COL17A1: variants seen among roughly 807,000 people sequenced by gnomAD.
The protein encoded by COL17A1 is collagen alpha-1(XVII) chain.
In COL17A1, 181 loss-of-function variants were observed where a neutral mutation model predicts 218.4. The observed-to-expected ratio is 0.83, with a 90% CI of 0.73 to 0.94. The LOEUF is 0.94. COL17A1 is among the 40% of genes least tolerant of loss of function. COL17A1 has a pLI of 0.00. For missense variants in COL17A1, 1,924 were observed against 1,945.9 expected (o/e 0.99, Z 0.21); for synonymous variants, 721 against 731.0 (o/e 0.99, Z 0.22).
At chr10:104,073,579 C>T (rs2086685286) in intron 6 of COL17A1, among the ~76,000 whole-genome samples, 2 of 152,190 alleles carry the variant, frequency 1.3e-5, no homozygotes, top group South Asian at 4.1e-4. Flanking sequence ...TATCAAAAAG[C>T]TCCCAAGTCT....
chr10:104,055,874 C>T lies in COL17A1; in HGVS notation c.1595G>A (p.Gly532Glu). 3.1e-6 allele frequency: 5 copies of T among 1,614,192 alleles called. No individual in the cohort carries two copies. The highest frequency in any genetic ancestry group is 4.2e-6 in the Non-Finnish European group (5 of 1,180,036). ...CAGCCCAATTTTGTCCAGGTCTGCT[C>T]CCGCCGCGGGTGCCATGCCCTGGAG... The part of the protein sequence containing the change: ...DRLQGMAPAA[G>E]ADLDKIGLHS... The change falls in exon 18 of 56, where the codon GGA becomes GAA. Residue 532 changes from glycine (G) to glutamate (E), a missense_variant. Gly to Glu is a moderately conservative substitution (Grantham distance 98). Coordinates refer to ENST00000648076, the MANE Select transcript of COL17A1 (RefSeq NM_000494.4).
In COL17A1 at chr10:104,070,688, C is replaced by G. The variant is rs928555113; in HGVS notation, c.464-119G>C. On this transcript the variant is annotated intron_variant, in intron 8 of 55. Coordinates refer to ENST00000648076, the MANE Select transcript of COL17A1 (RefSeq NM_000494.4). ...TGGGGAGAATGGCATCTGCCTCACA[C>G]ATTGGAACTTTTTGCTTGGCTTTAT... 18 of 1,600,378 alleles carry G rather than the reference C, an allele frequency of 1.1e-5. No individual in the cohort carries two copies. The African/African-American group carries it at 1.7e-4, about 15-fold the overall frequency.
chr10:104,076,355 A>G lies in COL17A1; in HGVS notation c.277T>C (p.Ser93Pro). 6.2e-7 allele frequency: 1 copy of G among 1,614,064 alleles called. No homozygotes were observed. The highest frequency in any genetic ancestry group is 8.5e-7 in the Non-Finnish European group (1 of 1,180,012). ...AHSPASTLPNSPGSTFERKTH... is the reference protein window; with the variant it reads ...AHSPASTLPNPPGSTFERKTH... ...TTCCTTTCAAAGGTTGAGCCTGGGGAGTTGGGCAGAGTGGAGGCAGGTGAG... is the reference window on the plus strand; with the variant it reads ...TTCCTTTCAAAGGTTGAGCCTGGGGGGTTGGGCAGAGTGGAGGCAGGTGAG... The change falls in exon 5 of 56, where the codon TCC becomes CCC. Residue 93 changes from serine to proline, a missense_variant. Ser to Pro is a moderately conservative substitution (Grantham distance 74). Coordinates refer to ENST00000648076, the MANE Select transcript of COL17A1 (RefSeq NM_000494.4).
rs2086247743 is a variant in COL17A1, at chr10:104,034,165, G to A, written c.3936C>T (p.Ser1312=). The A allele has an allele frequency of 1.2e-6, 2 of 1,613,584 alleles. No individual in the cohort carries two copies. Among genetic ancestry groups the A allele is most frequent in the African/African-American group, 1.3e-5 (1 of 74,924 alleles). ...GGGAGCCTGCACCACCTCCTCCTGT[G>A]CTCATGGAAGAGCTGTAGGAGCTGC... ...RRGSSYSSSM[S]TGGGGAGSLG... Residue 1312 remains serine (S), a synonymous_variant, in exon 52 of 56, where the codon AGC becomes AGT. Coordinates refer to ENST00000648076, the MANE Select transcript of COL17A1 (RefSeq NM_000494.4).
rs1214390911 is a variant in COL17A1 at position 104,039,320 on chromosome 10, C to G, written c.2896+125G>C. 3.4e-6 allele frequency: 4 copies of G among 1,183,316 alleles called. No homozygotes were observed. In the African/African-American group the frequency reaches 4.5e-5, roughly 13 times the overall value. The allele number at this position is 1,183,316 out of a possible 1,614,324, so 73.3% of individuals were successfully genotyped here. Reference sequence around the variant, plus strand: ...TTCCACCCTCTGGCCTTTCCTTCCTCCAGCCTCTTCTCTCTCCCAAGACTT... The same window carrying G: ...TTCCACCCTCTGGCCTTTCCTTCCTGCAGCCTCTTCTCTCTCCCAAGACTT... On this transcript the variant is annotated intron_variant, in intron 43 of 55. Transcript: ENST00000648076.
chr10:104,037,240 T>C, intron 46 of COL17A1, 127 bp from the exon 47 acceptor site: 2 of 831,166 alleles, frequency 2.4e-6, no homozygotes, highest in South Asian at 1.4e-5. Flanking sequence ...AATGGAGTAT[T>C]ACGAGGCTAT....
chr10:104,035,212 A>G (rs2134566961), intron 50 of COL17A1, 51 bp downstream of exon 50: 1 of 1,501,766 alleles, frequency 6.7e-7, no homozygotes, highest in South Asian at 1.2e-5. Context: ...GGGAGCCCCC[A>G]AGGCCCGGCT....
rs1564668343 is a variant in COL17A1 at position 104,031,292 on chromosome 10, A to G, written c.*943T>C. ...CGAATCACATTAAACATGATATTAG[A>G]AAAAAAAACTTCTTTAATGGGAAAT... is the stretch of plus-strand genomic sequence containing the variant. On this transcript the variant is annotated 3_prime_UTR_variant, in exon 56 of 56. Transcript: ENST00000648076. 1 of 152,188 alleles carries G rather than the reference A, an allele frequency of 6.6e-6. No individual in the cohort carries two copies. The highest frequency in any genetic ancestry group is 2.1e-4 in the South Asian group (1 of 4,812). 9.4% of individuals were successfully genotyped at this position (152,188 alleles called of 1,614,324 possible). A position where few individuals can be genotyped will look rare whatever the true frequency, so the allele number is the denominator to read the frequency against.
intron 16 of COL17A1, among the ~76,000 whole-genome samples, chr10:104,057,456 C>CGGCCGGGCGCGGTGGCAGGCGCCTGTAG (rs1554849503): frequency 2.1e-5 from 3 of 145,592 alleles, no homozygotes; most frequent in Non-Finnish European, 3.0e-5. Context: ...TTGCCTCCTT[C>CGGCCGGGCGCGGTGGCAGGCGCCTGTAG]TTGGGAAGGT....
At chr10:104,041,399 C>A (rs1268654887) in intron 37 of COL17A1, 55 bp from the exon 38 acceptor site, 1 of 1,603,290 alleles carries the variant, frequency 6.2e-7, no homozygotes, top group East Asian at 2.2e-5. Context: ...TGATGCCACC[C>A]CTGAGGATCT....
At chr10:104,073,132 G>T in intron 7 of COL17A1, 78 bp downstream of exon 7, 1 of 1,323,858 alleles carries the variant, frequency 7.6e-7, no homozygotes, top group African/African-American at 1.4e-5. Context: ...ACACTCCCTG[G>T]CTCAAGGCTG....
chr10:104,032,565 T>C, intron 55 of COL17A1, 109 bp downstream of exon 55: 1 of 1,186,268 alleles, frequency 8.4e-7, no homozygotes, highest in South Asian at 1.2e-5. Flanking sequence ...GTAATTGGCA[T>C]TTGCCTGAAT....
Position 104,055,331 on chromosome 10 carries a change from C to A in COL17A1, c.1717+41G>T, listed in dbSNP as rs1270946748. 3.1e-6 allele frequency: 5 copies of A among 1,613,898 alleles called. No individual in the cohort carries two copies. The Admixed American group carries it at 6.7e-5, about 22-fold the overall frequency. ...TACCCAGAAAACTCACTTCCAACTGCAGGAAATGAATCAGAGACAAGGTTC... is the reference window on the plus strand; with the variant it reads ...TACCCAGAAAACTCACTTCCAACTGAAGGAAATGAATCAGAGACAAGGTTC... On this transcript the variant is annotated intron_variant, in intron 19 of 55. Coordinates refer to ENST00000648076, the MANE Select transcript of COL17A1 (RefSeq NM_000494.4).
chr10:104,073,140 C>A (rs997818082), intron 7 of COL17A1, 70 bp downstream of exon 7: 9 of 1,406,236 alleles, frequency 6.4e-6, no homozygotes, highest in Non-Finnish European at 7.1e-6. Context: ...TGGCTCAAGG[C>A]TGGACACACA....
intron 9 of COL17A1, among the ~76,000 whole-genome samples, chr10:104,065,701 G>C (rs1165257400): frequency 1.3e-5 from 2 of 152,192 alleles, no homozygotes; most frequent in African/African-American, 4.8e-5. Context: ...TTTAGGGCTG[G>C]GCTATGCATA....
At chr10:104,083,900 C>T (rs2086785694) in intron 1 of COL17A1, among the ~76,000 whole-genome samples, 1 of 152,170 alleles carries the variant, frequency 6.6e-6, no homozygotes, top group South Asian at 2.1e-4. Flanking sequence ...TCTATTACTC[C>T]ATTCTCTATA....
chr10:104,040,288 G>A (rs79817225), intron 40 of COL17A1, 63 bp downstream of exon 40: 2 of 1,219,708 alleles, frequency 1.6e-6, no homozygotes, highest in Non-Finnish European at 1.2e-6. Flanking sequence ...AACCCTCCTG[G>A]CAACCAGCAG....
intron 55 of COL17A1, 66 bp from the exon 56 acceptor site, chr10:104,032,356 G>T: frequency 7.4e-7 from 1 of 1,345,442 alleles, no homozygotes; most frequent in Non-Finnish European, 1.1e-6. Flanking sequence ...CTTGGCTTGG[G>T]CAATTATGGC....
At chr10:104,034,434 G>C (rs778810617) in intron 51 of COL17A1, 100 bp from the exon 52 acceptor site, 19 of 1,472,712 alleles carry the variant, frequency 1.3e-5, no homozygotes, top group Non-Finnish European at 1.5e-5. Context: ...GCCCCTGAGA[G>C]ACCAGAAGTG....
Sources: gnomAD v4.1 joint callset for allele counts (sites outside exome capture counted in the v4.1 genomes callset) on GRCh38, gnomAD v4.1.1 for gene constraint, MANE v1.5 for transcripts, NCBI Gene and HGNC (gene_info 2026-07-23, HGNC 2026-07-21) for gene names.